ZNF500: variants seen among roughly 807,000 people sequenced by gnomAD.
ZNF500 encodes the protein zinc finger protein with KRAB and SCAN domains 18.
A neutral mutation model predicts 30.1 loss-of-function variants in ZNF500; 31 were observed. The ratio of observed to expected loss-of-function variants is 1.03; its 90% CI spans 0.77 to 1.39. The LOEUF (loss-of-function observed/expected upper bound fraction) is 1.39, where lower values mean the gene tolerates loss of function less well. Among genes scored for constraint, ZNF500 ranks in the 40% most tolerant of loss-of-function variants. The probability of loss-of-function intolerance (pLI) is 0.00; values close to 1 mark genes in which losing one functional copy is unlikely to be tolerated. For missense variants in ZNF500, 817 were observed against 657.8 expected (o/e 1.24, Z -2.65); for synonymous variants, 392 against 282.0 (o/e 1.39, Z -3.91).
At chr16:4,757,075 G>A (rs1405612426) in intron 5 of ZNF500, among the ~76,000 whole-genome samples, 4 of 152,278 alleles carry the variant, frequency 2.6e-5, no homozygotes, top group Middle Eastern at 3.4e-3. Context: ...GAAGAAAAAA[G>A]TTTTGGAACT....
chr16:4,754,180 C>T (rs539845263), intron 5 of ZNF500, among the ~76,000 whole-genome samples: 1 of 152,268 alleles, frequency 6.6e-6, no homozygotes, highest in Non-Finnish European at 1.5e-5. Context: ...TAGGCACACG[C>T]CATGCTGACC....
chr16:4,747,109 C>T, downstream of ZNF500: 1 of 1,358,324 alleles, frequency 7.4e-7, no homozygotes, highest in South Asian at 1.4e-5. Context: ...ACATTTACCG[C>T]CTGTGGTGAG....
Position 4,751,565 on chromosome 16 carries a change from G to A in ZNF500, c.*811C>T. The A allele has an allele frequency of 6.5e-7, 1 of 1,532,864 alleles. No homozygotes were observed. The highest frequency in any genetic ancestry group is 8.7e-7 in the Non-Finnish European group (1 of 1,146,042). 95.0% of individuals were successfully genotyped at this position (1,532,864 alleles called of 1,614,324 possible). ...ACTCTGGCAGGATGAAGAAGCTGGA[G>A]ACCACGTCCTGGGAAGGCTGGGGTA... On this transcript the variant is annotated 3_prime_UTR_variant, in exon 6 of 6. Coordinates refer to ENST00000219478, the MANE Select transcript of ZNF500 (RefSeq NM_021646.4).
intron 2 of ZNF500, among the ~76,000 whole-genome samples, chr16:4,764,597 C>G (rs551538957): frequency 6.6e-6 from 1 of 151,894 alleles, no homozygotes; most frequent in Non-Finnish European, 1.5e-5. Flanking sequence ...CTGGCTAACA[C>G]GGTGAAACCC....
At chr16:4,764,069 T>C (rs755864105) in intron 2 of ZNF500, 75 of 985,304 alleles carry the variant, frequency 7.6e-5, no homozygotes, top group Non-Finnish European at 8.1e-5. Flanking sequence ...AGGCTTCCTC[T>C]ACTCCTTCAA....
intron 2 of ZNF500, chr16:4,763,847 G>A: frequency 1.0e-6 from 1 of 985,460 alleles, no homozygotes; most frequent in Non-Finnish European, 1.2e-6. Flanking sequence ...CCGTGGTCAA[G>A]CATTAGGGGA....
At chr16:4,746,919 C>T (rs957233364), downstream of ZNF500, 6 of 1,544,678 alleles carry the variant, frequency 3.9e-6, no homozygotes, top group African/African-American at 1.4e-5. Context: ...CCATTTCTCT[C>T]CCTGCAGCTC....
downstream of ZNF500, chr16:4,747,129 C>G: frequency 8.0e-7 from 1 of 1,245,822 alleles, no homozygotes; most frequent in Non-Finnish European, 1.1e-6. Context: ...GGTCTTGCTG[C>G]ACCCACCGCA....
In ZNF500 at chr16:4,752,839, C is replaced by G; in HGVS notation, c.980G>C (p.Cys327Ser). The G allele has an allele frequency of 6.2e-7, 1 of 1,614,232 alleles. No homozygotes were observed. Reference protein sequence around the residue: ...ASHGADKPYTCPECGKGFSKT... With the variant: ...ASHGADKPYTSPECGKGFSKT... ...GCTGAAGCCTTTGCCACATTCGGGG[C>G]AGGTGTACGGCTTGTCAGCCCCATG... The change falls in exon 6 of 6, where the codon TGC becomes TCC. Residue 327 changes from cysteine (C) to serine (S), a missense_variant. Transcript: ENST00000219478.
chr16:4,747,320 AATT>A (rs2082030224), downstream of ZNF500: 2 of 1,535,414 alleles, frequency 1.3e-6, no homozygotes, highest in Non-Finnish European at 1.8e-6. Flanking sequence ...GGGTTGAGTG[AATT>A]TGGTCTCATT....
chr16:4,765,616 G>GGCCT lies in ZNF500; in HGVS notation c.359_362dup (p.Val122GlyfsTer25). On this transcript the variant is annotated frameshift_variant, in exon 2 of 6. Transcript: ENST00000219478. LOFTEE classifies it high-confidence loss of function. ...GCTGCAGCCCTTCCACAAGGACCAC[G>GGCCT]GCCTCCTCACCGCTCTCCGGCTGCT... 1 of 1,612,738 alleles carries GGCCT rather than the reference G, an allele frequency of 6.2e-7. No homozygotes were observed. Among genetic ancestry groups the GGCCT allele is most frequent in the Non-Finnish European group, 8.5e-7 (1 of 1,179,400 alleles).
intron 2 of ZNF500, chr16:4,764,086 C>T: frequency 1.0e-6 from 1 of 985,394 alleles, no homozygotes; most frequent in Non-Finnish European, 1.2e-6. Flanking sequence ...TCAAATGGGG[C>T]TGGAAGGAGG....
chr16:4,761,883 AC>A (rs1567534411), intron 4 of ZNF500, among the ~76,000 whole-genome samples: 223 of 151,682 alleles, frequency 1.5e-3, no homozygotes, highest in African/African-American at 5.0e-3. Flanking sequence ...AAACAAACAA[AC>A]AAAAACCCCA....
In ZNF500 at chr16:4,751,404, G is replaced by A. The variant is rs560575702; in HGVS notation, c.*972C>T. On this transcript the variant is annotated 3_prime_UTR_variant, in exon 6 of 6. Transcript: ENST00000219478. ...CCGGCCCTGGGGAGATGTCAGGCCC[G>A]TCACATCCCAGGCAACATGTCAGGA... 4.4e-5 allele frequency: 28 copies of A among 633,492 alleles called. No individual in the cohort carries two copies. Among genetic ancestry groups the A allele is most frequent in the Middle Eastern group, 4.4e-4 (1 of 2,274 alleles). The allele number at this position is 633,492 out of a possible 1,614,324, so 39.2% of individuals were successfully genotyped here.
chr16:4,760,692 G>T, intron 4 of ZNF500, 104 bp from the exon 5 acceptor site: 1 of 1,019,100 alleles, frequency 9.8e-7, no homozygotes, highest in Non-Finnish European at 1.5e-6. Flanking sequence ...CCTCGAGGCT[G>T]GCGCCAAGCC....
chr16:4,756,862 G>A (rs1273114676), intron 5 of ZNF500, among the ~76,000 whole-genome samples: 1 of 152,022 alleles, frequency 6.6e-6, no homozygotes, highest in African/African-American at 2.4e-5. Flanking sequence ...TTGACCTGTG[G>A]TACCAGCTAC....
downstream of ZNF500, chr16:4,747,758 T>G (rs533726826): frequency 2.5e-6 from 3 of 1,202,794 alleles, no homozygotes; most frequent in Non-Finnish European, 3.4e-6. Flanking sequence ...ACCCTCAGAC[T>G]TTGGACTGTT....
chr16:4,761,449 A>AAAAAC (rs1051604073), intron 4 of ZNF500, among the ~76,000 whole-genome samples: 1 of 149,640 alleles, frequency 6.7e-6, no homozygotes, highest in Non-Finnish European at 1.5e-5. Flanking sequence ...TCAAAAAAAC[A>AAAAAC]AAAACAAAAC....
Position 4,751,318 on chromosome 16 carries a change from G to T in ZNF500, c.*1058C>A. On this transcript the variant is annotated 3_prime_UTR_variant, in exon 6 of 6. Transcript: ENST00000219478. Reference sequence around the variant, plus strand: ...TCTTACCTTAGAAAGACAAAGTGGGGCAACCGTGGAAGGCCACATTCCAGA... The same window carrying T: ...TCTTACCTTAGAAAGACAAAGTGGGTCAACCGTGGAAGGCCACATTCCAGA... 8.7e-6 allele frequency: 4 copies of T among 458,572 alleles called. No homozygotes were observed. The South Asian group carries it at 1.1e-4, about 12-fold the overall frequency. 28.4% of individuals were successfully genotyped at this position (458,572 alleles called of 1,614,324 possible).
Sources: allele counts gnomAD v4.1 joint callset (sites outside exome capture counted in the v4.1 genomes callset), GRCh38; gene constraint gnomAD v4.1.1; transcripts MANE v1.5; gene names NCBI Gene and HGNC (gene_info 2026-07-23, HGNC 2026-07-21).